Variants in GLS observed in about 807,000 individuals in gnomAD.
GLS encodes glutaminase kidney isoform, mitochondrial.
In GLS, 36 loss-of-function variants were observed where a neutral mutation model predicts 86.7. The observed-to-expected ratio is 0.42, with a 90% confidence interval of 0.32 to 0.55. The LOEUF (loss-of-function observed/expected upper bound fraction) is 0.55. GLS is among the 20% of genes least tolerant of loss of function. GLS has a pLI of 0.17. For missense variants in GLS, 528 were observed against 833.4 expected, an observed-to-expected ratio of 0.63 and a Z score of 4.51; for synonymous variants, 317 against 305.9, an observed-to-expected ratio of 1.04 and a Z score of -0.38.
At position 190,889,344 on chromosome 2, in the gene GLS, T is replaced by C. The variant is rs7586514; in HGVS notation, c.387-5808T>C. The stretch of plus-strand genomic sequence containing the variant: ...CAGCTGCTGCTTTCTTCTCTTCTGT[T>C]ACATACTCCCTATAGGTTGTTGTTA... On this transcript the variant is annotated intron_variant, in intron 1 of 17. Transcript: ENST00000320717. Among the ~76,000 whole-genome samples the C allele has an allele frequency of 7.6e-3, 1,162 of 152,300 alleles. 17 individuals carry two copies. Among genetic ancestry groups the C allele is most frequent in the African/African-American group, 0.027 (1,107 of 41,554 alleles).
intron 1 of GLS, 160 bp downstream of exon 1, chr2:190,881,630 C>T (rs1022497569): frequency 8.0e-6 from 5 of 628,664 alleles, no homozygotes; most frequent in South Asian, 2.3e-5. Context: ...GTGATTAGGC[C>T]CGGCCCCGCC....
Position 190,881,090 on chromosome 2 carries a change from G to A in GLS, c.6G>A (p.Met2Ile). Reference protein sequence around the residue: MMRLRGSGMLRD... With the variant: MIRLRGSGMLRD... ...GCGCTGACGGACCCGGCGGCATGAT[G>A]CGGCTGCGAGGCTCGGGGATGCTGC... The change falls in exon 1 of 18, where the codon ATG becomes ATA. Residue 2 changes from methionine (M) to isoleucine (I), a missense_variant. Met to Ile is a conservative substitution (Grantham distance 10). Coordinates refer to ENST00000320717, the MANE Select transcript of GLS (RefSeq NM_014905.5). The A allele has an allele frequency of 1.3e-6, 2 of 1,560,134 alleles. No homozygotes were observed. Among genetic ancestry groups the A allele is most frequent in the East Asian group, 2.4e-5 (1 of 42,096 alleles).
chr2:190,948,382 C>G (rs1246029126), intron 14 of GLS, among the ~76,000 whole-genome samples: 1 of 151,890 alleles, frequency 6.6e-6, no homozygotes, highest in Non-Finnish European at 1.5e-5. Flanking sequence ...CTGAATAAAC[C>G]AAGTATATTC....
intron 7 of GLS, among the ~76,000 whole-genome samples, chr2:190,918,547 C>T (rs1363130852): frequency 2.6e-5 from 4 of 151,978 alleles, no homozygotes; most frequent in Non-Finnish European, 5.9e-5. Context: ...TCCATGTTAC[C>T]GGTTATGCTG....
chr2:190,885,360 T>G (rs1688341011), intron 1 of GLS, among the ~76,000 whole-genome samples: 1 of 151,994 alleles, frequency 6.6e-6, no homozygotes, highest in Admixed American at 6.6e-5. Flanking sequence ...CGTGGCTAAT[T>G]TTTGTTTTTA....
At chr2:190,899,732 T>C (rs545656086) in intron 3 of GLS, among the ~76,000 whole-genome samples, 2 of 152,228 alleles carry the variant, frequency 1.3e-5, no homozygotes, top group East Asian at 3.9e-4. Flanking sequence ...CAAAACGTTT[T>C]AAAGGCTACG....
intron 14 of GLS, chr2:190,933,396 C>T (rs1027257212): frequency 2.3e-6 from 2 of 854,626 alleles, no homozygotes; most frequent in Non-Finnish European, 2.8e-6. Flanking sequence ...CTTGTGTTTA[C>T]ATTTATGCCA....
In GLS at chr2:190,953,711, C is replaced by T; in HGVS notation, c.1712+85C>T. ...CGAGCAGCCATTTTAAGGTTAAAGT[C>T]TCACTTTTCTTTCCCTTTGATAAAA... On this transcript the variant is annotated intron_variant, in intron 15 of 17. Coordinates refer to ENST00000320717, the MANE Select transcript of GLS (RefSeq NM_014905.5). The surrounding 1 kb of genome is among the most constrained non-coding windows in gnomAD (Gnocchi z 4.0). The T allele has an allele frequency of 1.1e-6, 1 of 920,066 alleles. No homozygotes were observed. Among genetic ancestry groups the T allele is most frequent in the Non-Finnish European group, 1.7e-6 (1 of 579,492 alleles). 57.0% of individuals were successfully genotyped at this position (920,066 alleles called of 1,614,324 possible).
rs1235086784 is a variant in GLS at position 190,965,326 on chromosome 2, T to TTGA, written c.*2343_*2345dup. The stretch of plus-strand genomic sequence containing the variant: ...CAGAGCTGGATTAGCTGTTGACCAT[T>TTGA]TGATGCTGTTGTCTGTCTGGCAGGG... On this transcript the variant is annotated 3_prime_UTR_variant, in exon 18 of 18. Coordinates refer to ENST00000320717, the MANE Select transcript of GLS (RefSeq NM_014905.5). This position sits in a 1 kb window ranked among gnomAD's most constrained non-coding sequence, Gnocchi z 5.0. 2.6e-5 allele frequency: 4 copies of TTGA among 152,652 alleles called. No individual in the cohort carries two copies. The highest frequency in any genetic ancestry group is 1.5e-5 in the Non-Finnish European group (1 of 68,056). 9.5% of individuals were successfully genotyped at this position (152,652 alleles called of 1,614,324 possible).
chr2:190,886,623 A>G lies in GLS; in HGVS notation c.386+5153A>G, dbSNP rs189984675. On this transcript the variant is annotated intron_variant, in intron 1 of 17. Transcript: ENST00000320717. ...TTCTTTGAGTTTTAAAAAGTTATTT[A>G]AAAGAAATCAGGCTGGGCGTGGTGG... Among the ~76,000 whole-genome samples the G allele has an allele frequency of 8.5e-5, 13 of 152,332 alleles. 1 individual carries two copies. Among genetic ancestry groups the G allele is most frequent in the Admixed American group, 5.2e-4 (8 of 15,300 alleles).
Position 190,953,777 on chromosome 2 carries a change from G to A in GLS, c.1712+151G>A. ...TTTTTATTAAATAGGCACTTCCAGT[G>A]CCTTAGGCCTGCTTTCCAATCTTGT... On this transcript the variant is annotated intron_variant, in intron 15 of 17. Transcript: ENST00000320717. This position sits in a 1 kb window ranked among gnomAD's most constrained non-coding sequence, Gnocchi z 4.0. 1 of 612,812 alleles carries A rather than the reference G, an allele frequency of 1.6e-6. No individual in the cohort carries two copies. Among genetic ancestry groups the A allele is most frequent in the South Asian group, 2.1e-5 (1 of 48,184 alleles). The allele number at this position is 612,812 out of a possible 1,614,324, so 38.0% of individuals were successfully genotyped here. A position where few individuals can be genotyped will look rare whatever the true frequency, so the allele number is the denominator to read the frequency against.
rs533160263 is a variant in GLS at position 190,930,700 on chromosome 2, C to T, written c.1557+132C>T. The stretch of plus-strand genomic sequence containing the variant: ...TATAGTGTGCCAGTTACTAGGGAGC[C>T]GTGGAAATACTCCCAGAGGAGCTTC... On this transcript the variant is annotated intron_variant, in intron 13 of 17. Coordinates refer to ENST00000320717, the MANE Select transcript of GLS (RefSeq NM_014905.5). The surrounding 1 kb of genome is among the most constrained non-coding windows in gnomAD (Gnocchi z 5.0). The T allele has an allele frequency of 4.1e-4, 283 of 692,184 alleles. 1 individual carries two copies. The highest frequency in any genetic ancestry group is 8.7e-4 in the Admixed American group (27 of 30,992). 42.9% of individuals were successfully genotyped at this position (692,184 alleles called of 1,614,324 possible).
At position 190,938,022 on chromosome 2, in the gene GLS, C is replaced by T. The variant is rs1690324387; in HGVS notation, c.1650+6385C>T. On this transcript the variant is annotated intron_variant, in intron 14 of 17. Coordinates refer to ENST00000320717, the MANE Select transcript of GLS (RefSeq NM_014905.5). The surrounding 1 kb of genome is among the most constrained non-coding windows in gnomAD (Gnocchi z 4.1). ...TTAATCTTGTAACATTTTTACTATACATTTAACTCTAAATCTCATTTACTA... is the reference window on the plus strand; with the variant it reads ...TTAATCTTGTAACATTTTTACTATATATTTAACTCTAAATCTCATTTACTA... Among the ~76,000 whole-genome samples, 1 of 151,124 alleles carries T rather than the reference C, an allele frequency of 6.6e-6. No individual in the cohort carries two copies. The highest frequency in any genetic ancestry group is 2.4e-5 in the African/African-American group (1 of 41,320).
chr2:190,961,129 C>G (rs1188030615), intron 17 of GLS, among the ~76,000 whole-genome samples: 1 of 152,210 alleles, frequency 6.6e-6, no homozygotes, highest in Non-Finnish European at 1.5e-5. Flanking sequence ...AACTTGATAA[C>G]TAGGCATTCA....
At chr2:190,906,015 C>T (rs1689124798) in intron 6 of GLS, among the ~76,000 whole-genome samples, 1 of 151,864 alleles carries the variant, frequency 6.6e-6, no homozygotes, top group Non-Finnish European at 1.5e-5. Context: ...AAGATGAAGT[C>T]ATAAGACTGG....
At chr2:190,882,975 G>A (rs1688254500) in intron 1 of GLS, among the ~76,000 whole-genome samples, 1 of 152,220 alleles carries the variant, frequency 6.6e-6, no homozygotes, top group South Asian at 2.1e-4. Context: ...CCAAGGTACA[G>A]AATTGCAAAA....
chr2:190,898,190 T>C (rs79822349), intron 3 of GLS, among the ~76,000 whole-genome samples: 1 of 152,208 alleles, frequency 6.6e-6, no homozygotes, highest in Admixed American at 6.5e-5. Flanking sequence ...TTGATTTTCT[T>C]AAAAATTTCA....
intron 6 of GLS, among the ~76,000 whole-genome samples, chr2:190,910,025 G>C (rs993865775): frequency 6.6e-6 from 1 of 151,998 alleles, no homozygotes; most frequent in Middle Eastern, 3.2e-3. Flanking sequence ...GCGACAGTCT[G>C]AAACTTTGGC....
intron 14 of GLS, among the ~76,000 whole-genome samples, chr2:190,950,709 C>G (rs1453844406): frequency 6.6e-6 from 1 of 152,082 alleles, no homozygotes; most frequent in Non-Finnish European, 1.5e-5. Context: ...TGTGGCCAGG[C>G]ATCCTTGTGA....
Sources: gnomAD v4.1 joint callset for allele counts (sites outside exome capture counted in the v4.1 genomes callset) on GRCh38, gnomAD v4.1.1 for gene constraint, Gnocchi (gnomAD v3.1) non-coding constraint, MANE v1.5 for transcripts, NCBI Gene and HGNC (gene_info 2026-07-23, HGNC 2026-07-21) for gene names.